The following RBM4 variants were observed in gnomAD, a reference collection of about 807,000 sequenced individuals.
RBM4 encodes the protein RNA binding motif protein 4, also known as RNA-binding protein 4.
RBM4 carries 7 observed loss-of-function variants against 29.5 expected under a neutral mutation model. The observed-to-expected ratio is 0.24, with a 90% CI of 0.14 to 0.45. The LOEUF is 0.45. Ranked by LOEUF, RBM4 falls within the 20% of genes least tolerant of loss-of-function variation. RBM4 has a pLI of 1.00. For missense variants in RBM4, 387 were observed against 502.3 expected (o/e 0.77, Z 2.19); for synonymous variants, 220 against 205.4 (o/e 1.07, Z -0.61).
At chr11:66,639,644 T>C in intron 1 of RBM4, 56 bp from the exon 2 acceptor site, 15 of 1,568,304 alleles carry the variant, frequency 9.6e-6, no homozygotes, top group Non-Finnish European at 1.3e-5. Context: ...CGTTGTCTTT[T>C]GTGAACGGAT....
chr11:66,666,025 A>T, exon 3 of RBM4: 1 of 1,379,886 alleles, frequency 7.2e-7, no homozygotes. Flanking sequence ...CTTTCACAGT[A>T]AACAAGCTTT....
chr11:66,658,957 T>C (rs983838152), intron 2 of RBM4, among the ~76,000 whole-genome samples: 8 of 150,154 alleles, frequency 5.3e-5, no homozygotes, highest in Non-Finnish European at 1.2e-4. Flanking sequence ...AATATATATA[T>C]ATATATATTC....
chr11:66,643,879 GAGCTGCTGCCAC>G lies in RBM4; in HGVS notation c.852_863del (p.Thr285_Ala288del), dbSNP rs781723364. The stretch of plus-strand genomic sequence containing the variant: ...GATAGACACCTGTTGCCGACCTCAG[GAGCTGCTGCCAC>G]AGCTGCTGCTGCAGCAGCAGCCGCT... On this transcript the variant is annotated inframe_deletion, in exon 3 of 4. Transcript: ENST00000310092. The surrounding 1 kb of genome is among the most constrained non-coding windows in gnomAD (Gnocchi z 6.1). 5.9e-5 allele frequency: 95 copies of G among 1,613,472 alleles called. No individual in the cohort carries two copies. The highest frequency in any genetic ancestry group is 1.6e-4 in the African/African-American group (12 of 74,814).
At chr11:66,663,572 G>A (rs752013594) in intron 2 of RBM4, among the ~76,000 whole-genome samples, 6 of 152,032 alleles carry the variant, frequency 3.9e-5, no homozygotes, top group Non-Finnish European at 4.4e-5. Flanking sequence ...CTCGTGATTC[G>A]TGTGCCTTGG....
At chr11:66,665,724 C>G in intron 2 of RBM4, 1 of 1,386,600 alleles carries the variant, frequency 7.2e-7, no homozygotes, top group Non-Finnish European at 9.7e-7. Context: ...TAACTCATAT[C>G]CCATGTAATT....
chr11:66,645,637 T>G (rs1297001338), intron 3 of RBM4, among the ~76,000 whole-genome samples: 2 of 150,792 alleles, frequency 1.3e-5, no homozygotes, highest in South Asian at 4.2e-4. Context: ...GAAAATACTG[T>G]TAATTTTTTT....
chr11:66,664,712 C>T (rs1177190510), intron 2 of RBM4, among the ~76,000 whole-genome samples: 3 of 152,218 alleles, frequency 2.0e-5, no homozygotes, highest in African/African-American at 4.8e-5. Flanking sequence ...ACCTTGGCCT[C>T]CCAAAGTGCT....
chr11:66,644,962 C>G (rs1938628919), intron 3 of RBM4, among the ~76,000 whole-genome samples: 2 of 150,544 alleles, frequency 1.3e-5, no homozygotes, highest in Admixed American at 1.3e-4. Context: ...TCCCACAGTT[C>G]TAGTTTTGAC....
At chr11:66,655,705 G>A (rs1938937179) in intron 2 of RBM4, among the ~76,000 whole-genome samples, 1 of 152,188 alleles carries the variant, frequency 6.6e-6, no homozygotes, top group Admixed American at 6.5e-5. Flanking sequence ...TAAGGTGGGA[G>A]TGTTCTAACA....
chr11:66,641,822 T>C (rs1938477229), intron 2 of RBM4, among the ~76,000 whole-genome samples: 4 of 152,210 alleles, frequency 2.6e-5, no homozygotes, highest in Admixed American at 1.3e-4. Flanking sequence ...TTCCTTTCCG[T>C]TTCTCAGTGT....
chr11:66,650,077 AGCT>A, downstream of RBM4: 1 of 418,966 alleles, frequency 2.4e-6, no homozygotes. Flanking sequence ...TGCCTCCACA[AGCT>A]GCTGCTTGTC....
At chr11:66,660,390 C>T (rs1308225254) in intron 2 of RBM4, among the ~76,000 whole-genome samples, 2 of 143,308 alleles carry the variant, frequency 1.4e-5, no homozygotes, top group African/African-American at 5.2e-5. Flanking sequence ...TCTTGCTCTG[C>T]AACCAGGCTG....
chr11:66,653,864 G>C (rs1938886099), intron 2 of RBM4, among the ~76,000 whole-genome samples: 1 of 149,792 alleles, frequency 6.7e-6, no homozygotes, highest in Non-Finnish European at 1.5e-5. Flanking sequence ...CCCAGGATAG[G>C]GACTCACACT....
chr11:66,658,602 CAT>C (rs1267352869), intron 2 of RBM4, among the ~76,000 whole-genome samples: 1 of 151,874 alleles, frequency 6.6e-6, no homozygotes, highest in Non-Finnish European at 1.5e-5. Flanking sequence ...TAGCCAGAGA[CAT>C]ATACAGTGCT....
intron 2 of RBM4, among the ~76,000 whole-genome samples, chr11:66,652,728 G>A (rs767320709): frequency 3.0e-4 from 46 of 152,068 alleles, no homozygotes; most frequent in Non-Finnish European, 5.4e-4. Flanking sequence ...GGTTGGTTTC[G>A]GGCGTGGTGG....
At chr11:66,659,585 C>A (rs1939034549) in intron 2 of RBM4, among the ~76,000 whole-genome samples, 2 of 152,074 alleles carry the variant, frequency 1.3e-5, no homozygotes, top group African/African-American at 4.8e-5. Context: ...GGCTGGTTGT[C>A]TTAATACACC....
intron 2 of RBM4, among the ~76,000 whole-genome samples, chr11:66,659,230 A>G (rs1939025627): frequency 7.3e-6 from 1 of 137,298 alleles, no homozygotes; most frequent in Non-Finnish European, 1.6e-5. Context: ...AGATTCAGGG[A>G]TCTGGACACC....
chr11:66,663,348 A>G (rs901355947), intron 2 of RBM4, among the ~76,000 whole-genome samples: 4 of 152,182 alleles, frequency 2.6e-5, no homozygotes. Flanking sequence ...ACCTCTTTTA[A>G]TAGCTCATAA....
chr11:66,662,555 C>A (rs1409277575), intron 2 of RBM4, among the ~76,000 whole-genome samples: 3 of 152,094 alleles, frequency 2.0e-5, no homozygotes, highest in African/African-American at 7.2e-5. Flanking sequence ...GTGCACACCA[C>A]CATGCCCGGC....
Sources: gnomAD v4.1 joint callset for allele counts (sites outside exome capture counted in the v4.1 genomes callset) on GRCh38, gnomAD v4.1.1 for gene constraint, Gnocchi (gnomAD v3.1) non-coding constraint, MANE v1.5 for transcripts, NCBI Gene and HGNC (gene_info 2026-07-23, HGNC 2026-07-21) for gene names.